The following LRP1B variants were observed in gnomAD, a reference collection of about 807,000 sequenced individuals.
LRP1B encodes the protein LDL receptor related protein 1B, also known as low-density lipoprotein receptor-related protein 1B.
In LRP1B, 217 loss-of-function variants were observed where a neutral mutation model predicts 556.6. The ratio of observed to expected loss-of-function variants is 0.39; its 90% CI spans 0.35 to 0.44. The LOEUF is 0.44. Among genes scored for constraint, LRP1B ranks in the 20% least tolerant of loss-of-function variants. The pLI, the probability that LRP1B is intolerant of heterozygous loss-of-function variation, is 1.00. For missense variants in LRP1B, 5,053 were observed against 5,620.8 expected (o/e 0.90, Z 3.23); for synonymous variants, 2,047 against 1,865.8 (o/e 1.10, Z -2.50).
intron 19 of LRP1B, 39 bp downstream of exon 19, chr2:140,951,821 G>A (rs769183502): frequency 1.3e-5 from 19 of 1,510,744 alleles, no homozygotes; most frequent in African/African-American, 2.7e-5. Context: ...CCAAGCCCCC[G>A]ATCAAATTAG....
At chr2:140,507,821 C>A (rs1689483974) in intron 52 of LRP1B, among the ~76,000 whole-genome samples, 1 of 152,082 alleles carries the variant, frequency 6.6e-6, no homozygotes, top group East Asian at 1.9e-4. Flanking sequence ...AAGAGAAAGA[C>A]TTTGCAGAAA....
At chr2:141,062,468 A>C (rs1699362328) in intron 7 of LRP1B, among the ~76,000 whole-genome samples, 195 bp from the exon 8 acceptor site, 1 of 151,802 alleles carries the variant, frequency 6.6e-6, no homozygotes, top group Non-Finnish European at 1.5e-5. Context: ...GGCATAAGGG[A>C]GCAGGTTAAC....
At chr2:140,822,402 C>G (rs971751774) in intron 31 of LRP1B, among the ~76,000 whole-genome samples, 1 of 152,146 alleles carries the variant, frequency 6.6e-6, no homozygotes, top group Non-Finnish European at 1.5e-5. Context: ...CCAAGTTGAG[C>G]ATTTTCATAT....
chr2:140,553,632 G>T (rs566636530), intron 43 of LRP1B, among the ~76,000 whole-genome samples: 1 of 152,096 alleles, frequency 6.6e-6, no homozygotes, highest in Admixed American at 6.6e-5. Context: ...TATCAGTTAA[G>T]CCTGAAGCAA....
chr2:140,508,930 C>G (rs1366415840), intron 52 of LRP1B, among the ~76,000 whole-genome samples: 1 of 152,132 alleles, frequency 6.6e-6, no homozygotes, highest in African/African-American at 2.4e-5. Flanking sequence ...TTGACCTTTA[C>G]AGACACACAT....
chr2:141,899,253 A>G (rs942217117), intron 1 of LRP1B, among the ~76,000 whole-genome samples: 3 of 152,136 alleles, frequency 2.0e-5, no homozygotes, highest in Non-Finnish European at 2.9e-5. Flanking sequence ...TAGTTAAATC[A>G]CAGCTCTAAT....
chr2:142,029,749 G>A (rs927398483), intron 1 of LRP1B, among the ~76,000 whole-genome samples: 16 of 151,628 alleles, frequency 1.1e-4, no homozygotes, highest in East Asian at 1.9e-4. Flanking sequence ...TGTTTTACCC[G>A]CACAGTATTG....
chr2:141,345,787 G>A (rs919219305), intron 3 of LRP1B, among the ~76,000 whole-genome samples: 5 of 151,572 alleles, frequency 3.3e-5, no homozygotes, highest in African/African-American at 4.8e-5. Context: ...TTACAGGTAT[G>A]AGTCACTGCA....
chr2:140,787,769 C>T (rs1477403999), intron 32 of LRP1B, among the ~76,000 whole-genome samples: 1 of 151,570 alleles, frequency 6.6e-6, no homozygotes, highest in Non-Finnish European at 1.5e-5. Flanking sequence ...GGGTCAGGGT[C>T]TCATTATATT....
intron 68 of LRP1B, among the ~76,000 whole-genome samples, chr2:140,375,080 A>G (rs567078090): frequency 6.6e-6 from 1 of 152,108 alleles, no homozygotes; most frequent in South Asian, 2.1e-4. Flanking sequence ...TTGCACCCTA[A>G]GAATGTTGAT....
At chr2:140,836,014 G>A (rs1691890471) in intron 31 of LRP1B, among the ~76,000 whole-genome samples, 2 of 152,252 alleles carry the variant, frequency 1.3e-5, no homozygotes, top group Admixed American at 6.5e-5. Context: ...ACGTATGTAA[G>A]TAGACACACA....
At chr2:142,063,296 A>G (rs2104896568) in intron 1 of LRP1B, among the ~76,000 whole-genome samples, 1 of 151,666 alleles carries the variant, frequency 6.6e-6, no homozygotes, top group African/African-American at 2.4e-5. Flanking sequence ...TGTTTTCTAG[A>G]CAGATGGAAG....
chr2:141,245,612 T>C (rs917372326), intron 5 of LRP1B, among the ~76,000 whole-genome samples: 1 of 152,214 alleles, frequency 6.6e-6, no homozygotes, highest in East Asian at 1.9e-4. Context: ...TATTTCCTTA[T>C]GTTATTTTCA....
chr2:140,839,995 TG>T lies in LRP1B; in HGVS notation c.5204del (p.Pro1735GlnfsTer6). Reference sequence around the variant, plus strand: ...ACTATTAAAAAAAATACTTACCAACTGGCTCCTTCTGATTCTGAAACAGAAT... The same window carrying T: ...ACTATTAAAAAAAATACTTACCAACTGCTCCTTCTGATTCTGAAACAGAAT... ...SKILFQNQKE[P>X]VGLSIDYVEN... On this transcript the variant is annotated frameshift_variant, in exon 31 of 91. Transcript: ENST00000389484. LOFTEE classifies it high-confidence loss of function. 1 of 1,604,604 alleles carries T rather than the reference TG, an allele frequency of 6.2e-7. No homozygotes were observed.
intron 7 of LRP1B, among the ~76,000 whole-genome samples, chr2:141,107,675 T>C (rs1679954142): frequency 6.6e-6 from 1 of 152,008 alleles, no homozygotes; most frequent in Non-Finnish European, 1.5e-5. Flanking sequence ...AGACTATATT[T>C]AAATTCCATT....
At chr2:141,194,908 C>T (rs919807058) in intron 6 of LRP1B, among the ~76,000 whole-genome samples, 6 of 152,024 alleles carry the variant, frequency 3.9e-5, no homozygotes, top group African/African-American at 1.4e-4. Context: ...TAATTTATAT[C>T]TTTTTGACTG....
chr2:140,926,711 A>G (rs538583641), intron 20 of LRP1B, among the ~76,000 whole-genome samples: 1 of 152,240 alleles, frequency 6.6e-6, no homozygotes, highest in East Asian at 1.9e-4. Context: ...TATATTCGGG[A>G]ACTTCATGAG....
At chr2:141,285,280 G>A (rs958436785) in intron 3 of LRP1B, among the ~76,000 whole-genome samples, 19 of 150,618 alleles carry the variant, frequency 1.3e-4, no homozygotes, top group African/African-American at 4.4e-4. Flanking sequence ...GTAGAGACAG[G>A]GTTTCACTAT....
At chr2:141,667,743 T>C (rs1007927885) in intron 2 of LRP1B, among the ~76,000 whole-genome samples, 3 of 152,204 alleles carry the variant, frequency 2.0e-5, no homozygotes, top group Non-Finnish European at 4.4e-5. Flanking sequence ...AGTTATTTAA[T>C]ATCAGGTTTT....
Sources: gnomAD v4.1 joint callset for allele counts (sites outside exome capture counted in the v4.1 genomes callset) on GRCh38, gnomAD v4.1.1 for gene constraint, MANE v1.5 for transcripts, NCBI Gene and HGNC (gene_info 2026-07-23, HGNC 2026-07-21) for gene names.